Variants in ZNF782 observed in about 807,000 individuals in gnomAD.
ZNF782 encodes the protein zinc finger protein 782.
In ZNF782, 12 loss-of-function variants were observed where a neutral mutation model predicts 13.0. The ratio of observed to expected loss-of-function variants is 0.92; its 90% CI spans 0.59 to 1.50. ZNF782 has a LOEUF of 1.50. ZNF782 is among the 40% of genes most tolerant of loss of function. The pLI, the probability that ZNF782 is intolerant of heterozygous loss-of-function variation, is 0.00. For missense variants in ZNF782, 770 were observed against 822.9 expected, an observed-to-expected ratio of 0.94 and a Z score of 0.79; for synonymous variants, 284 against 283.0, an observed-to-expected ratio of 1.00 and a Z score of -0.04.
the ZNF782 span, among the ~76,000 whole-genome samples, chr9:96,885,097 T>A: frequency 6.6e-6 from 1 of 151,306 alleles, no homozygotes. Flanking sequence ...ATAGAAAATA[T>A]CTGGGATACA....
the ZNF782 span, among the ~76,000 whole-genome samples, chr9:96,920,893 C>T: frequency 6.9e-6 from 1 of 144,132 alleles, no homozygotes; most frequent in Admixed American, 6.6e-5. Flanking sequence ...CCAGCCCAGG[C>T]AACAGAGCGA....
At chr9:96,832,162 G>T (rs1208808103) in intron 4 of ZNF782, among the ~76,000 whole-genome samples, 4 of 151,068 alleles carry the variant, frequency 2.6e-5, no homozygotes, top group Non-Finnish European at 5.9e-5. Flanking sequence ...TTTTTTAGTG[G>T]TTACTCTATA....
chr9:96,840,673 G>A (rs1352838603), intron 4 of ZNF782, among the ~76,000 whole-genome samples: 1 of 152,046 alleles, frequency 6.6e-6, no homozygotes, highest in Non-Finnish European at 1.5e-5. Context: ...ATATGAATGA[G>A]TGTTCAATCA....
the ZNF782 span, among the ~76,000 whole-genome samples, chr9:96,925,347 A>G: frequency 5.3e-5 from 8 of 151,660 alleles, no homozygotes; most frequent in Non-Finnish European, 1.0e-4. Flanking sequence ...CCTAGAAACG[A>G]GAGAGTCTGA....
Position 96,818,482 on chromosome 9 carries a change from G to A in ZNF782, c.1541C>T (p.Ala514Val), listed in dbSNP as rs769916258. ...CCTCAGGCCTGACTTCAGTTTGAAAGCTTTCCCACATTCATCACATTTATA... is the reference window on the plus strand; with the variant it reads ...CCTCAGGCCTGACTTCAGTTTGAAAACTTTCCCACATTCATCACATTTATA... ...RPYKCDECGK[A>V]FKLKSGLRKH... The change falls in exon 6 of 6, where the codon GCT (alanine) becomes GTT (valine). Residue 514 changes from alanine (A) to valine (V), a missense_variant. Transcript: ENST00000481138. The A allele has an allele frequency of 6.2e-7, 1 of 1,614,068 alleles. No homozygotes were observed. Among genetic ancestry groups the A allele is most frequent in the South Asian group, 1.1e-5 (1 of 91,080 alleles).
At position 96,819,122 on chromosome 9, in the gene ZNF782, T is replaced by TA. The variant is rs1337912023; in HGVS notation, c.900dup (p.Arg301Ter). ...CCTATATGAACTCTATGATGTTCTC[T>TA]AATGTGTGACTTTTGGCTGAAGGAT... On this transcript the variant is annotated frameshift_variant, in exon 6 of 6. Transcript: ENST00000481138. LOFTEE classifies it low-confidence loss of function (END_TRUNC). 6.2e-6 allele frequency: 10 copies of TA among 1,613,912 alleles called. No homozygotes were observed. Among genetic ancestry groups the TA allele is most frequent in the Non-Finnish European group, 8.5e-6 (10 of 1,180,018 alleles).
chr9:96,892,815 A>T, the ZNF782 span: 1 of 152,210 alleles, frequency 6.6e-6, no homozygotes, highest in Non-Finnish European at 1.5e-5. Flanking sequence ...GAACATTTAA[A>T]AATGCACATA....
intron 4 of ZNF782, among the ~76,000 whole-genome samples, chr9:96,842,560 A>T (rs1851219988): frequency 6.6e-6 from 1 of 152,070 alleles, no homozygotes; most frequent in Non-Finnish European, 1.5e-5. Context: ...TTCATGCCCT[A>T]TACAAAAATT....
At chr9:96,885,709 C>CAA in the ZNF782 span, among the ~76,000 whole-genome samples, 1,711 of 149,538 alleles carry the variant, frequency 0.011, 47 homozygotes, top group African/African-American at 0.039. Context: ...TTTCTGGAAA[C>CAA]AAAAAAAAAC....
chr9:96,884,825 GT>G, the ZNF782 span, among the ~76,000 whole-genome samples: 2 of 152,180 alleles, frequency 1.3e-5, no homozygotes, highest in Middle Eastern at 3.4e-3. Context: ...CTTAAAAAAG[GT>G]TAACTAGGAT....
rs1482994114 is a variant in ZNF782 at position 96,818,306 on chromosome 9, G to A, written c.1717C>T (p.Gln573Ter). 1.2e-6 allele frequency: 2 copies of A among 1,614,066 alleles called. No homozygotes were observed. Among genetic ancestry groups the A allele is most frequent in the Non-Finnish European group, 1.7e-6 (2 of 1,180,018 alleles). The change falls in exon 6 of 6, where the codon CAG becomes TAG. Residue 573 changes from glutamine to a stop codon, truncating the protein, a stop_gained. Coordinates refer to ENST00000481138, the MANE Select transcript of ZNF782 (RefSeq NM_001001662.3). LOFTEE classifies it low-confidence loss of function (END_TRUNC). ...TGATGTACTCTGAGGTTTGATTTCT[G>A]ACTGAAAGCTTCCCCACAATGATTA... ...KCNHCGEAFS[Q>*]KSNLRVHHRT...
At chr9:96,916,708 G>A in the ZNF782 span, among the ~76,000 whole-genome samples, 1 of 151,704 alleles carries the variant, frequency 6.6e-6, no homozygotes, top group African/African-American at 2.4e-5. Flanking sequence ...CCTTTGCGGA[G>A]GCTGGGCTCA....
chr9:96,849,377 C>T (rs901557215), intron 3 of ZNF782, among the ~76,000 whole-genome samples: 7 of 152,190 alleles, frequency 4.6e-5, no homozygotes, highest in African/African-American at 1.7e-4. Context: ...CTGCTGTGCC[C>T]TTCCATTCCT....
At chr9:96,833,067 TTC>T (rs914558950) in intron 4 of ZNF782, among the ~76,000 whole-genome samples, 2 of 152,192 alleles carry the variant, frequency 1.3e-5, no homozygotes, top group Non-Finnish European at 2.9e-5. Context: ...TCTCTCCGTC[TTC>T]TCTCTTCTGC....
intron 4 of ZNF782, 41 bp from the exon 5 acceptor site, chr9:96,827,222 A>G: frequency 7.0e-7 from 1 of 1,435,698 alleles, no homozygotes; most frequent in Non-Finnish European, 9.7e-7. Flanking sequence ...TTAGTTGCAT[A>G]GGTTCTACTG....
intron 4 of ZNF782, among the ~76,000 whole-genome samples, chr9:96,827,809 A>G (rs1850675643): frequency 6.6e-6 from 1 of 152,232 alleles, no homozygotes; most frequent in African/African-American, 2.4e-5. Flanking sequence ...AAAAATGGTA[A>G]TTAGGTTTTA....
chr9:96,876,943 C>CAAAAGAAAA (rs1851898970), upstream of ZNF782, among the ~76,000 whole-genome samples: 2 of 42,802 alleles, frequency 4.7e-5, no homozygotes, highest in Non-Finnish European at 7.9e-5. Context: ...AACTCCGACT[C>CAAAAGAAAA]AAAAAAAAAA....
chr9:96,931,912 T>C, the ZNF782 span: 906 of 1,612,112 alleles, frequency 5.6e-4, 11 homozygotes, highest in East Asian at 0.018. Context: ...CAGGACAGGA[T>C]GGCCGCGGCC....
At chr9:96,857,419 A>T (rs569116456), upstream of ZNF782, among the ~76,000 whole-genome samples, 13 of 152,340 alleles carry the variant, frequency 8.5e-5, no homozygotes, top group African/African-American at 3.1e-4. Flanking sequence ...AGAACATAAG[A>T]ATAAAAGGCA....
Sources: allele counts gnomAD v4.1 joint callset (sites outside exome capture counted in the v4.1 genomes callset), GRCh38; gene constraint gnomAD v4.1.1; transcripts MANE v1.5; gene names NCBI Gene and HGNC (gene_info 2026-07-23, HGNC 2026-07-21).